The following TMCC3 variants were observed in gnomAD, a reference collection of about 807,000 sequenced individuals.
TMCC3 encodes the protein transmembrane and coiled-coil domain protein 3.
A neutral mutation model predicts 40.2 loss-of-function variants in TMCC3; 28 were observed. That is an observed-to-expected ratio of 0.70 (90% CI 0.52 to 0.95). TMCC3 has a LOEUF of 0.95. Among genes scored for constraint, TMCC3 ranks in the 40% least tolerant of loss-of-function variants. TMCC3 has a pLI of 0.00. For synonymous variants in TMCC3, 255 were observed against 248.5 expected, an observed-to-expected ratio of 1.03 and a Z score of -0.25; for missense variants, 554 against 615.2, an observed-to-expected ratio of 0.90 and a Z score of 1.05.
In TMCC3 at chr12:94,571,358, T is replaced by C. The variant is rs138444168; in HGVS notation, c.*77A>G. The C allele has an allele frequency of 4.1e-6, 6 of 1,454,672 alleles. No individual in the cohort carries two copies. The East Asian group carries it at 1.1e-4, about 28-fold the overall frequency. The allele number at this position is 1,454,672 out of a possible 1,614,324, so 90.1% of individuals were successfully genotyped here. ...CACACGAGTCCGCACAATCATTCAC[T>C]GTAAAATTTGGTAGTATGCACAGAG... On this transcript the variant is annotated 3_prime_UTR_variant, in exon 4 of 4. Coordinates refer to ENST00000261226, the MANE Select transcript of TMCC3 (RefSeq NM_020698.4).
chr12:94,583,378 C>T (rs766519191), intron 1 of TMCC3, among the ~76,000 whole-genome samples: 34 of 152,032 alleles, frequency 2.2e-4, no homozygotes, highest in Non-Finnish European at 4.4e-4. Context: ...GTGGTGGGCA[C>T]CTGTAATCCC....
At chr12:94,631,717 A>AAT (rs981487173) in intron 1 of TMCC3, among the ~76,000 whole-genome samples, 3 of 152,222 alleles carry the variant, frequency 2.0e-5, no homozygotes, top group African/African-American at 7.2e-5. Context: ...AATCTCATGT[A>AAT]ATATATATAG....
intron 1 of TMCC3, among the ~76,000 whole-genome samples, chr12:94,628,971 T>TG (rs2068917993): frequency 6.6e-6 from 1 of 152,174 alleles, no homozygotes; most frequent in Admixed American, 6.5e-5. Context: ...GTGATGGATT[T>TG]GGGTTACAAA....
intron 3 of TMCC3, among the ~76,000 whole-genome samples, chr12:94,574,395 A>AAC (rs1357857232): frequency 4.0e-5 from 6 of 151,700 alleles, no homozygotes; most frequent in Admixed American, 6.6e-5. Context: ...CAAAAAACAA[A>AAC]AAAAAAAAAC....
chr12:94,596,740 T>C (rs1034496764), intron 1 of TMCC3, among the ~76,000 whole-genome samples: 1 of 152,144 alleles, frequency 6.6e-6, no homozygotes, highest in African/African-American at 2.4e-5. Context: ...GAATCAGTTG[T>C]TGACTAGCAG....
intron 1 of TMCC3, among the ~76,000 whole-genome samples, chr12:94,582,982 TTTTTTTTTTTTTAAA>T (rs1320294243): frequency 4.0e-4 from 30 of 75,536 alleles, no homozygotes; most frequent in Admixed American, 7.5e-4. Flanking sequence ...TTTTTTTTTT[TTTTTTTTTTTTTAAA>T]AAAGAAAGAT....
chr12:94,635,660 G>T (rs1309545697), intron 1 of TMCC3, among the ~76,000 whole-genome samples: 4 of 89,298 alleles, frequency 4.5e-5, no homozygotes, highest in Non-Finnish European at 8.3e-5. Context: ...GTGTATGTGG[G>T]TTTTTTTTTT....
intron 1 of TMCC3, among the ~76,000 whole-genome samples, chr12:94,647,895 T>C (rs989084359): frequency 6.6e-6 from 1 of 152,226 alleles, no homozygotes; most frequent in African/African-American, 2.4e-5. Flanking sequence ...GTTATTATTA[T>C]GAGTTTACAA....
At chr12:94,635,637 C>A (rs2068955992) in intron 1 of TMCC3, among the ~76,000 whole-genome samples, 1 of 149,058 alleles carries the variant, frequency 6.7e-6, no homozygotes. Flanking sequence ...TGGAGTTATG[C>A]CTGTTTTTGT....
intron 3 of TMCC3, among the ~76,000 whole-genome samples, chr12:94,572,591 G>GT (rs2068539179): frequency 6.6e-6 from 1 of 152,122 alleles, no homozygotes; most frequent in Admixed American, 6.5e-5. Context: ...AATTACAGGC[G>GT]TGAGCCACCA....
At chr12:94,605,010 T>C (rs2138854076) in intron 1 of TMCC3, among the ~76,000 whole-genome samples, 1 of 152,110 alleles carries the variant, frequency 6.6e-6, no homozygotes, top group East Asian at 1.9e-4. Context: ...AGTTGGAGTG[T>C]CTAAAATTGA....
At chr12:94,608,001 C>T (rs1174692976) in intron 1 of TMCC3, among the ~76,000 whole-genome samples, 8 of 152,090 alleles carry the variant, frequency 5.3e-5, no homozygotes, top group Non-Finnish European at 8.8e-5. Context: ...GTAAATATAC[C>T]ATAAGTACCA....
chr12:94,582,797 C>G (rs2068613092), intron 1 of TMCC3, among the ~76,000 whole-genome samples: 1 of 151,908 alleles, frequency 6.6e-6, no homozygotes, highest in Admixed American at 6.6e-5. Context: ...GAGACTGTAA[C>G]CTGGCTCCCA....
intron 1 of TMCC3, among the ~76,000 whole-genome samples, chr12:94,587,006 T>C (rs1209238141): frequency 6.6e-6 from 1 of 152,216 alleles, no homozygotes; most frequent in Admixed American, 6.5e-5. Flanking sequence ...ATGGGATAAT[T>C]GAGAGACAGC....
intron 3 of TMCC3, among the ~76,000 whole-genome samples, chr12:94,575,794 G>T (rs2068560958): frequency 6.6e-6 from 1 of 152,066 alleles, no homozygotes; most frequent in Non-Finnish European, 1.5e-5. Context: ...TGTTCACTTG[G>T]CAACATTTTT....
At chr12:94,583,062 A>ATT (rs559113599) in intron 1 of TMCC3, among the ~76,000 whole-genome samples, 1 of 147,470 alleles carries the variant, frequency 6.8e-6, no homozygotes, top group South Asian at 2.1e-4. Context: ...CAAGAACATT[A>ATT]TTTTCTTAAT....
intron 1 of TMCC3, among the ~76,000 whole-genome samples, chr12:94,589,584 T>C (rs2068659592): frequency 6.6e-6 from 1 of 152,224 alleles, no homozygotes; most frequent in African/African-American, 2.4e-5. Context: ...TCTACTATTA[T>C]TACTATTTTA....
At chr12:94,634,165 G>A (rs867828728) in intron 1 of TMCC3, among the ~76,000 whole-genome samples, 6 of 151,872 alleles carry the variant, frequency 4.0e-5, no homozygotes, top group Admixed American at 1.3e-4. Flanking sequence ...GGCTGGTCTC[G>A]AACTCCTGAC....
In TMCC3 at chr12:94,568,486, G is replaced by A. The variant is rs1483609557; in HGVS notation, c.*2949C>T. ...ACTTTCCATCTTTGGGTTTGCCCAA[G>A]ATGTTTACCATAAATGAAAGGGGTG... On this transcript the variant is annotated 3_prime_UTR_variant, in exon 4 of 4. Transcript: ENST00000261226. 1 of 152,124 alleles carries A rather than the reference G, an allele frequency of 6.6e-6. No homozygotes were observed. The highest frequency in any genetic ancestry group is 2.4e-5 in the African/African-American group (1 of 41,416). The allele number at this position is 152,124 out of a possible 1,614,324, so 9.4% of individuals were successfully genotyped here.
Sources: gnomAD v4.1 joint callset for allele counts (sites outside exome capture counted in the v4.1 genomes callset) on GRCh38, gnomAD v4.1.1 for gene constraint, MANE v1.5 for transcripts, NCBI Gene and HGNC (gene_info 2026-07-23, HGNC 2026-07-21) for gene names.